The following VSIG10 variants were observed in gnomAD, a reference collection of about 807,000 sequenced individuals.
VSIG10 encodes the protein V-set and immunoglobulin domain-containing protein 10.
VSIG10 carries 48 observed loss-of-function variants against 58.7 expected under a neutral mutation model. The observed-to-expected ratio is 0.82, with a 90% CI of 0.65 to 1.04. The LOEUF (loss-of-function observed/expected upper bound fraction) is 1.04, where lower values mean the gene tolerates loss of function less well. Among genes scored for constraint, VSIG10 ranks in the 50% least tolerant of loss-of-function variants. The pLI, the probability that VSIG10 is intolerant of heterozygous loss-of-function variation, is 0.00. For missense variants in VSIG10, 628 were observed against 670.0 expected (o/e 0.94, Z 0.69); for synonymous variants, 260 against 267.1 (o/e 0.97, Z 0.26).
intron 2 of VSIG10, among the ~76,000 whole-genome samples, chr12:118,088,118 G>A (rs112170296): frequency 2.0e-5 from 3 of 151,592 alleles, no homozygotes; most frequent in African/African-American, 4.8e-5. Flanking sequence ...GGTGGCGCAC[G>A]CCTGTAATCC....
rs950075752 is a variant in VSIG10 at position 118,071,051 on chromosome 12, C to T, written c.1346+1G>A. On this transcript the variant is annotated splice_donor_variant, in intron 7 of 8. Coordinates refer to ENST00000359236, the MANE Select transcript of VSIG10 (RefSeq NM_019086.6). LOFTEE classifies it high-confidence loss of function. Reference sequence around the variant, plus strand: ...TTGGTTTGATTCTAGGGAACACTCACCTGGAAGTGTTTCCTACTGAAGAGA... The same window carrying T: ...TTGGTTTGATTCTAGGGAACACTCATCTGGAAGTGTTTCCTACTGAAGAGA... The T allele has an allele frequency of 3.7e-6, 6 of 1,601,366 alleles. No individual in the cohort carries two copies. The African/African-American group carries it at 6.7e-5, about 18-fold the overall frequency.
At chr12:118,091,222 G>C in intron 2 of VSIG10, among the ~76,000 whole-genome samples, 1 of 152,160 alleles carries the variant, frequency 6.6e-6, no homozygotes, top group East Asian at 1.9e-4. Flanking sequence ...GCTGGGTACG[G>C]TGGCTCACGC....
intron 1 of VSIG10, among the ~76,000 whole-genome samples, chr12:118,098,917 T>G: frequency 3.3e-5 from 2 of 59,924 alleles, no homozygotes; most frequent in African/African-American, 9.4e-5. Context: ...TTTTAAGAGA[T>G]GGGGGTTGGG....
At chr12:118,088,169 C>A (rs3922638) in intron 2 of VSIG10, among the ~76,000 whole-genome samples, 1 of 148,102 alleles carries the variant, frequency 6.8e-6, no homozygotes, top group Non-Finnish European at 1.5e-5. Flanking sequence ...CACCTGAACC[C>A]GGGAGGCGGA....
intron 5 of VSIG10, 81 bp downstream of exon 5, chr12:118,073,618 G>T (rs1322701622): frequency 5.4e-6 from 8 of 1,483,244 alleles, no homozygotes; most frequent in Non-Finnish European, 7.2e-6. Context: ...GTGTAGGGAG[G>T]CACCAGGCTG....
In VSIG10 at chr12:118,068,412, A is replaced by G; in HGVS notation, c.1532T>C (p.Ile511Thr). The G allele has an allele frequency of 6.2e-7, 1 of 1,613,620 alleles. No homozygotes were observed. ...HRVTALVNGN[I>T]EQMGNGFQDL... ...CTGGAATCCATTTCCCATCTGTTCTATGTTCCCATTCACCAAGGCGGTCAC... is the reference window on the plus strand; with the variant it reads ...CTGGAATCCATTTCCCATCTGTTCTGTGTTCCCATTCACCAAGGCGGTCAC... The change falls in exon 8 of 9, where the codon ATA becomes ACA. Residue 511 changes from isoleucine (I) to threonine (T), a missense_variant. Physicochemically the swap from Ile to Thr is moderately conservative, Grantham distance 89 (BLOSUM62 -1). Transcript: ENST00000359236.
chr12:118,075,160 A>ATG (rs1454585496), intron 4 of VSIG10, among the ~76,000 whole-genome samples: 6 of 65,372 alleles, frequency 9.2e-5, no homozygotes, highest in Admixed American at 1.6e-4. Flanking sequence ...ATGTATATAT[A>ATG]TGTATATATA....
chr12:118,086,570 G>A (rs1382261061), intron 2 of VSIG10, among the ~76,000 whole-genome samples: 1 of 152,102 alleles, frequency 6.6e-6, no homozygotes, highest in Non-Finnish European at 1.5e-5. Context: ...CTCCAATTTG[G>A]AGGTAGCAGG....
intron 2 of VSIG10, among the ~76,000 whole-genome samples, chr12:118,089,030 C>G (rs976607394): frequency 6.6e-6 from 1 of 150,908 alleles, no homozygotes; most frequent in Non-Finnish European, 1.5e-5. Flanking sequence ...TCACTGCAAC[C>G]TCCGCCCTCC....
intron 7 of VSIG10, 73 bp downstream of exon 7, chr12:118,070,979 A>G: frequency 6.5e-7 from 1 of 1,548,138 alleles, no homozygotes; most frequent in East Asian, 2.3e-5. Context: ...GTTCTTGTGA[A>G]AGGAAGGGAA....
chr12:118,099,593 G>A (rs376722967), intron 1 of VSIG10, among the ~76,000 whole-genome samples: 3 of 152,214 alleles, frequency 2.0e-5, no homozygotes, highest in East Asian at 1.9e-4. Flanking sequence ...AGAGGCTGCA[G>A]GAATAGGAAG....
intron 4 of VSIG10, among the ~76,000 whole-genome samples, chr12:118,078,935 C>A (rs2032832028): frequency 1.5e-5 from 1 of 68,352 alleles, no homozygotes; most frequent in African/African-American, 1.2e-4. Context: ...CAAGACTCTG[C>A]CTAAAAAAAA....
chr12:118,074,073 GT>G (rs2032614065), intron 4 of VSIG10, 81 bp from the exon 5 acceptor site: 2 of 1,324,724 alleles, frequency 1.5e-6, no homozygotes, highest in Admixed American at 2.8e-5. Flanking sequence ...AACTGCAGTA[GT>G]TTTTTGTTTT....
rs1286071015 is a variant in VSIG10 at position 118,089,961 on chromosome 12, A to G, written c.361+5572T>C. On this transcript the variant is annotated intron_variant, in intron 2 of 8. Transcript: ENST00000359236. ...AAACACATACATTTTCCATGTGCAA[A>G]TGAAATGGTGCCACACCCCTGCTGG... 4.6e-5 allele frequency among the ~76,000 whole-genome samples: 7 copies of G among 152,122 alleles called. 1 individual carries two copies. The highest frequency in any genetic ancestry group is 4.6e-4 in the Admixed American group (7 of 15,258).
At position 118,073,930 on chromosome 12, in the gene VSIG10, T is replaced by A; in HGVS notation, c.988A>T (p.Thr330Ser). 1 of 1,611,142 alleles carries A rather than the reference T, an allele frequency of 6.2e-7. No individual in the cohort carries two copies. Among genetic ancestry groups the A allele is most frequent in the East Asian group, 2.2e-5 (1 of 44,828 alleles). Residue 330 changes from threonine to serine, a missense_variant, in exon 5 of 9, where the codon ACA becomes TCA. By Grantham distance (58) the Thr-to-Ser change is moderately conservative. Transcript: ENST00000359236. The stretch of plus-strand genomic sequence containing the variant: ...GGGTAGGCCCCAGACACCTGGCATG[T>A]AAGCGTCACATTGCCCCCAGTGAAG... ...TCFTGGNVTL[T>S]CQVSGAYPPA...
At chr12:118,075,186 A>G (rs200546194) in intron 4 of VSIG10, among the ~76,000 whole-genome samples, 2 of 32,854 alleles carry the variant, frequency 6.1e-5, no homozygotes, top group Non-Finnish European at 1.1e-4. Flanking sequence ...ATATGTGTGT[A>G]TATATATATG....
intron 5 of VSIG10, among the ~76,000 whole-genome samples, chr12:118,072,259 G>T (rs1231945471): frequency 3.3e-5 from 5 of 151,670 alleles, no homozygotes; most frequent in African/African-American, 1.2e-4. Flanking sequence ...AGGTCAGGAG[G>T]TCGAGACCAT....
chr12:118,096,900 G>A (rs1206284477), intron 1 of VSIG10, among the ~76,000 whole-genome samples: 3 of 152,056 alleles, frequency 2.0e-5, no homozygotes, highest in South Asian at 2.1e-4. Flanking sequence ...TTAGCCGGGC[G>A]TGGTGGCACA....
intron 4 of VSIG10, 136 bp downstream of exon 4, chr12:118,079,210 G>T (rs1396692443): frequency 1.6e-6 from 2 of 1,285,404 alleles, no homozygotes; most frequent in African/African-American, 3.0e-5. Flanking sequence ...TAAAGAAAAA[G>T]AAAGGGAGAA....
Sources: gnomAD v4.1 joint callset for allele counts (sites outside exome capture counted in the v4.1 genomes callset) on GRCh38, gnomAD v4.1.1 for gene constraint, MANE v1.5 for transcripts, NCBI Gene and HGNC (gene_info 2026-07-23, HGNC 2026-07-21) for gene names.